MRPS28: variants seen among roughly 807,000 people sequenced by gnomAD.
MRPS28 encodes the protein mitochondrial ribosomal protein S28, also known as small ribosomal subunit protein bS1m.
A neutral mutation model predicts 10.8 loss-of-function variants in MRPS28; 7 were observed. That is an observed-to-expected ratio of 0.65 (90% CI 0.37 to 1.22). The LOEUF (loss-of-function observed/expected upper bound fraction) is 1.22, where lower values mean the gene tolerates loss of function less well. MRPS28 is among the 50% of genes most tolerant of loss of function. The pLI is 0.02. For synonymous variants in MRPS28, 121 were observed against 93.3 expected (o/e 1.30, Z -1.71); for missense variants, 265 against 232.9 (o/e 1.14, Z -0.90).
intron 1 of MRPS28, among the ~76,000 whole-genome samples, chr8:80,027,489 A>G (rs892738147): frequency 7.9e-5 from 12 of 152,222 alleles, no homozygotes; most frequent in African/African-American, 2.9e-4. Context: ...GCACCATTGT[A>G]TATTTAATCT....
intron 2 of MRPS28, among the ~76,000 whole-genome samples, chr8:79,987,895 C>T (rs1055002923): frequency 6.6e-6 from 1 of 152,108 alleles, no homozygotes; most frequent in East Asian, 1.9e-4. Context: ...CTAGAAGTAC[C>T]ATTTGACCCA....
At chr8:79,999,477 C>G (rs1808598616) in intron 2 of MRPS28, among the ~76,000 whole-genome samples, 1 of 152,312 alleles carries the variant, frequency 6.6e-6, no homozygotes, top group East Asian at 1.9e-4. Flanking sequence ...GCATAAGTGA[C>G]AGATCCCTAT....
At chr8:80,017,250 A>C (rs1327050595) in intron 1 of MRPS28, among the ~76,000 whole-genome samples, 2 of 152,238 alleles carry the variant, frequency 1.3e-5, no homozygotes, top group African/African-American at 4.8e-5. Context: ...GAACTAAATG[A>C]AAATGAAAAC....
chr8:79,973,260 C>T (rs901835618), intron 2 of MRPS28, among the ~76,000 whole-genome samples: 20 of 152,140 alleles, frequency 1.3e-4, no homozygotes, highest in Non-Finnish European at 2.8e-4. Context: ...GGACTCTCAA[C>T]ACAGTGAAAG....
intron 2 of MRPS28, among the ~76,000 whole-genome samples, chr8:79,985,209 G>T (rs1808117082): frequency 6.6e-6 from 1 of 152,136 alleles, no homozygotes; most frequent in Non-Finnish European, 1.5e-5. Flanking sequence ...CAGAAATAAA[G>T]ATGTTCTTTG....
intron 2 of MRPS28, among the ~76,000 whole-genome samples, chr8:79,952,719 G>T (rs1270503255): frequency 4.6e-5 from 7 of 152,146 alleles, no homozygotes; most frequent in Non-Finnish European, 8.8e-5. Context: ...GCTACAGGGA[G>T]CCAGCTGTTT....
At chr8:79,977,492 C>T (rs1272851752) in intron 2 of MRPS28, among the ~76,000 whole-genome samples, 1 of 152,100 alleles carries the variant, frequency 6.6e-6, no homozygotes, top group African/African-American at 2.4e-5. Context: ...AATTAAGTTT[C>T]CTTTGATCAA....
intron 2 of MRPS28, among the ~76,000 whole-genome samples, chr8:79,963,786 G>T (rs2130013912): frequency 6.6e-6 from 1 of 152,156 alleles, no homozygotes; most frequent in East Asian, 1.9e-4. Context: ...GCTCAGTGGG[G>T]GCTAAAGAGC....
Position 80,030,076 on chromosome 8 carries a change from C to A in MRPS28, c.173G>T (p.Arg58Leu). The change falls in exon 1 of 3, where the codon CGG (arginine) becomes CTG (leucine). Residue 58 changes from arginine to leucine, a missense_variant. By Grantham distance (102) the Arg-to-Leu change is moderately radical (BLOSUM62 -2). Coordinates refer to ENST00000276585, the MANE Select transcript of MRPS28 (RefSeq NM_014018.3). ...RAGGFASALE[R>L]HSELLQKVEP... ...CACCTTCTGTAGAAGCTCCGAGTGC[C>A]GCTCCAACGCGCTCGCGAAACCGCC... is the stretch of plus-strand genomic sequence containing the variant. The A allele has an allele frequency of 6.2e-7, 1 of 1,609,858 alleles. No homozygotes were observed. Among genetic ancestry groups the A allele is most frequent in the African/African-American group, 1.4e-5 (1 of 72,604 alleles).
intron 2 of MRPS28, among the ~76,000 whole-genome samples, chr8:79,936,657 A>G (rs980009875): frequency 7.2e-5 from 11 of 152,236 alleles, no homozygotes; most frequent in Non-Finnish European, 1.6e-4. Flanking sequence ...CTACACAACC[A>G]AAAGATGTTT....
intron 2 of MRPS28, among the ~76,000 whole-genome samples, chr8:79,921,043 G>A (rs1185738973): frequency 2.0e-5 from 3 of 152,204 alleles, no homozygotes; most frequent in Admixed American, 6.5e-5. Context: ...TTATTAAAGA[G>A]GGAATCCTTT....
At chr8:80,018,295 CAAAAAA>C (rs55883340) in intron 1 of MRPS28, among the ~76,000 whole-genome samples, 1 of 53,066 alleles carries the variant, frequency 1.9e-5, no homozygotes, top group African/African-American at 8.1e-5. Flanking sequence ...TACTCTGTCT[CAAAAAA>C]AAAAAAAAAA....
intron 1 of MRPS28, among the ~76,000 whole-genome samples, chr8:80,004,449 C>A (rs190653094): frequency 6.6e-6 from 1 of 152,188 alleles, no homozygotes; most frequent in Non-Finnish European, 1.5e-5. Context: ...AGAAAACTAA[C>A]AAACAGAAAG....
intron 1 of MRPS28, among the ~76,000 whole-genome samples, chr8:80,028,484 A>G (rs528244325): frequency 6.6e-6 from 1 of 151,958 alleles, no homozygotes; most frequent in East Asian, 1.9e-4. Context: ...CTCCCCCTAC[A>G]AAGACATCCA....
At chr8:80,024,984 C>G (rs947127957) in intron 1 of MRPS28, among the ~76,000 whole-genome samples, 4 of 152,202 alleles carry the variant, frequency 2.6e-5, no homozygotes, top group African/African-American at 9.7e-5. Flanking sequence ...ACAGAATTTG[C>G]AGCAGGGAAG....
intron 1 of MRPS28, among the ~76,000 whole-genome samples, chr8:80,024,958 G>A (rs916076804): frequency 2.6e-5 from 4 of 152,314 alleles, no homozygotes; most frequent in African/African-American, 7.2e-5. Context: ...GTCTAAGAGA[G>A]GAGGTGATTT....
At chr8:80,015,969 T>G (rs1196311689) in intron 1 of MRPS28, among the ~76,000 whole-genome samples, 1 of 150,858 alleles carries the variant, frequency 6.6e-6, no homozygotes. Context: ...TGAAGATACC[T>G]CAATAAAAAC....
At position 79,924,587 on chromosome 8, in the gene MRPS28, T is replaced by C. The variant is rs890096497; in HGVS notation, c.396-5439A>G. On this transcript the variant is annotated intron_variant, in intron 2 of 2. Transcript: ENST00000276585. ...ACTTTATTCTACTTTTAAACAATTG[T>C]ATCAATTACAATTGATACAATGTAA... Among the ~76,000 whole-genome samples the C allele has an allele frequency of 4.6e-5, 7 of 152,324 alleles. No individual in the cohort carries two copies. In the East Asian group the frequency reaches 1.3e-3, roughly 29 times the overall value.
chr8:79,924,981 GTTT>G (rs892237602), intron 2 of MRPS28, among the ~76,000 whole-genome samples: 1 of 152,040 alleles, frequency 6.6e-6, no homozygotes, highest in South Asian at 2.1e-4. Context: ...GTATTGCTAT[GTTT>G]TTTAATATTG....
Sources: gnomAD v4.1 joint callset for allele counts (sites outside exome capture counted in the v4.1 genomes callset) on GRCh38, gnomAD v4.1.1 for gene constraint, MANE v1.5 for transcripts, NCBI Gene and HGNC (gene_info 2026-07-23, HGNC 2026-07-21) for gene names.